Variants in ACVR1 observed in about 807,000 individuals in gnomAD.
ACVR1 encodes the protein activin A receptor type 1, also known as activin receptor type-1.
ACVR1 carries 38 observed loss-of-function variants against 57.1 expected under a neutral mutation model. That is an observed-to-expected ratio of 0.67 (90% CI 0.51 to 0.87). ACVR1 has a LOEUF of 0.87. Among genes scored for constraint, ACVR1 ranks in the 40% least tolerant of loss-of-function variants. The pLI, the probability that ACVR1 is intolerant of heterozygous loss-of-function variation, is 0.00. For missense variants in ACVR1, 463 were observed against 638.2 expected, an observed-to-expected ratio of 0.73 and a Z score of 2.96; for synonymous variants, 212 against 228.1, an observed-to-expected ratio of 0.93 and a Z score of 0.63.
chr2:157,844,493 TAACA>T (rs1051573917), intron 1 of ACVR1, among the ~76,000 whole-genome samples: 3 of 152,042 alleles, frequency 2.0e-5, no homozygotes, highest in Non-Finnish European at 4.4e-5. Flanking sequence ...TACCAGAAAT[TAACA>T]AACAAACAAA....
intron 3 of ACVR1, among the ~76,000 whole-genome samples, chr2:157,781,248 C>T (rs60085380): frequency 0.017 from 2,659 of 152,142 alleles, 83 homozygotes; most frequent in African/African-American, 0.06. Flanking sequence ...TCCAAAAATC[C>T]AGAATTCAAA....
chr2:157,739,867 T>A (rs764527378), intron 9 of ACVR1, among the ~76,000 whole-genome samples: 14 of 152,220 alleles, frequency 9.2e-5, no homozygotes, highest in Non-Finnish European at 1.9e-4. Flanking sequence ...ATATTTGAGA[T>A]GGAAACAAGT....
intron 3 of ACVR1, among the ~76,000 whole-genome samples, chr2:157,789,215 T>G (rs1686822115): frequency 6.6e-6 from 1 of 152,168 alleles, no homozygotes; most frequent in South Asian, 2.1e-4. Context: ...ACACTCCAGG[T>G]AGAAACAGAA....
chr2:157,866,446 G>C (rs1455464554), intron 1 of ACVR1, among the ~76,000 whole-genome samples: 1 of 152,090 alleles, frequency 6.6e-6, no homozygotes, highest in Non-Finnish European at 1.5e-5. Context: ...AAGGGAGGCG[G>C]GGGGGAAAGC....
At chr2:157,833,942 C>T (rs1416871280) in intron 1 of ACVR1, among the ~76,000 whole-genome samples, 2 of 152,186 alleles carry the variant, frequency 1.3e-5, no homozygotes, top group African/African-American at 2.4e-5. Context: ...CTTAAGACAA[C>T]ACATACTAGC....
rs1199549223 is a variant in ACVR1 at position 157,862,599 on chromosome 2, G to A, written c.-183+13197C>T. ...GAAAAGGTAACTACTGGCCGGGCGC[G>A]GTGGCTCACGCCTGTAATCCCAGCA... On this transcript the variant is annotated intron_variant, in intron 1 of 10. Coordinates refer to ENST00000434821, the MANE Select transcript of ACVR1 (RefSeq NM_001111067.4). Among the ~76,000 whole-genome samples the A allele has an allele frequency of 2.0e-4, 2 of 10,190 alleles. 1 individual carries two copies. Among genetic ancestry groups the A allele is most frequent in the African/African-American group, 2.1e-4 (2 of 9,598 alleles). The allele number at this position is 10,190 out of a possible 152,430, so 6.7% of individuals were successfully genotyped here. A position where few individuals can be genotyped will look rare whatever the true frequency, so the allele number is the denominator to read the frequency against.
chr2:157,844,691 A>C (rs1384463556), intron 1 of ACVR1, among the ~76,000 whole-genome samples: 1 of 152,138 alleles, frequency 6.6e-6, no homozygotes, highest in Non-Finnish European at 1.5e-5. Flanking sequence ...TTCAGAGCAA[A>C]AGAAACCCTT....
intron 1 of ACVR1, among the ~76,000 whole-genome samples, chr2:157,862,466 A>AAAACAG (rs1396879543): frequency 3.1e-4 from 45 of 143,802 alleles, no homozygotes; most frequent in African/African-American, 1.2e-3. Flanking sequence ...CACAGAGTAC[A>AAAACAG]AAACAGACAT....
chr2:157,753,330 C>T lies in ACVR1; in HGVS notation c.1264+7550G>A, dbSNP rs369441560. Among the ~76,000 whole-genome samples, 169 of 152,276 alleles carry T rather than the reference C, an allele frequency of 1.1e-3. 1 individual carries two copies. In the South Asian group the frequency reaches 0.033, roughly 30 times the overall value. On this transcript the variant is annotated intron_variant, in intron 9 of 10. Transcript: ENST00000434821. ...AGATCACAAGGTCAGGAGTTTGAGA[C>T]CAGCCTGGCCAAAATGGTGAAACCC...
intron 9 of ACVR1, among the ~76,000 whole-genome samples, chr2:157,749,229 A>T (rs1176833021): frequency 6.6e-6 from 1 of 152,248 alleles, no homozygotes; most frequent in Non-Finnish European, 1.5e-5. Flanking sequence ...CAATGTACTT[A>T]AAGTAAAGTT....
Position 157,780,326 on chromosome 2 carries a change from T to C in ACVR1, c.331+11A>G, listed in dbSNP as rs763792272. 2 of 1,614,066 alleles carry C rather than the reference T, an allele frequency of 1.2e-6. No homozygotes were observed. Among genetic ancestry groups the C allele is most frequent in the Admixed American group, 3.3e-5 (2 of 60,016 alleles). On this transcript the variant is annotated intron_variant, in intron 4 of 10. Transcript: ENST00000434821. ...ACCCCTTGATCTAGAAATAGAAAAGTCCATGGGAACCTTTAGTGGGCAGCT... is the reference window on the plus strand; with the variant it reads ...ACCCCTTGATCTAGAAATAGAAAAGCCCATGGGAACCTTTAGTGGGCAGCT...
chr2:157,762,811 T>TG (rs1271044173), intron 8 of ACVR1, among the ~76,000 whole-genome samples: 1 of 152,334 alleles, frequency 6.6e-6, no homozygotes, highest in East Asian at 1.9e-4. Flanking sequence ...AGCAACCCTG[T>TG]GGAGAGGTCC....
intron 9 of ACVR1, 89 bp downstream of exon 9, chr2:157,760,791 G>C: frequency 7.7e-7 from 1 of 1,292,252 alleles, no homozygotes; most frequent in Non-Finnish European, 1.1e-6. Flanking sequence ...AGAACAATGT[G>C]AATTTCAATA....
intron 3 of ACVR1, among the ~76,000 whole-genome samples, chr2:157,797,373 A>G (rs1442120575): frequency 1.3e-5 from 2 of 152,206 alleles, no homozygotes; most frequent in African/African-American, 2.4e-5. Context: ...AAAGAAGACC[A>G]TACCCCAAAG....
chr2:157,773,101 A>G (rs1325067296), intron 6 of ACVR1, among the ~76,000 whole-genome samples: 2 of 152,204 alleles, frequency 1.3e-5, no homozygotes, highest in African/African-American at 4.8e-5. Flanking sequence ...CTCGGAAACC[A>G]TGAGCACTAG....
chr2:157,821,664 G>A (rs906513544), intron 1 of ACVR1, among the ~76,000 whole-genome samples: 2 of 152,226 alleles, frequency 1.3e-5, no homozygotes, highest in African/African-American at 4.8e-5. Flanking sequence ...CTTATTTGGC[G>A]ATGGAGTTTC....
intron 2 of ACVR1, among the ~76,000 whole-genome samples, chr2:157,799,760 T>A (rs1019185950): frequency 2.0e-5 from 3 of 152,136 alleles, no homozygotes; most frequent in Non-Finnish European, 4.4e-5. Context: ...TACAAAGAAA[T>A]CAATAAGGAA....
chr2:157,762,739 T>C (rs771563867), intron 8 of ACVR1, among the ~76,000 whole-genome samples: 5 of 152,156 alleles, frequency 3.3e-5, no homozygotes, highest in Non-Finnish European at 4.4e-5. Context: ...TGTTATAAAA[T>C]TATAAAAGGC....
chr2:157,742,306 A>G (rs1684804700), intron 9 of ACVR1, among the ~76,000 whole-genome samples: 1 of 152,212 alleles, frequency 6.6e-6, no homozygotes, highest in African/African-American at 2.4e-5. Flanking sequence ...AACTAAAAAT[A>G]CAAAGCACTT....
Sources: gnomAD v4.1 joint callset for allele counts (sites outside exome capture counted in the v4.1 genomes callset) on GRCh38, gnomAD v4.1.1 for gene constraint, MANE v1.5 for transcripts, NCBI Gene and HGNC (gene_info 2026-07-23, HGNC 2026-07-21) for gene names.